The following NEDD1 variants were observed in gnomAD, a reference collection of about 807,000 sequenced individuals.
NEDD1 encodes NEDD1 gamma-tubulin ring complex targeting factor.
A neutral mutation model predicts 74.0 loss-of-function variants in NEDD1; 33 were observed. The ratio of observed to expected loss-of-function variants is 0.45; its 90% CI spans 0.34 to 0.60. The LOEUF is 0.60. Among genes scored for constraint, NEDD1 ranks in the 20% least tolerant of loss-of-function variants. The probability of loss-of-function intolerance (pLI) is 0.01; values close to 1 mark genes in which losing one functional copy is unlikely to be tolerated. For missense variants in NEDD1, 746 were observed against 776.5 expected (o/e 0.96, Z 0.47); for synonymous variants, 250 against 264.4 (o/e 0.95, Z 0.53).
intron 4 of NEDD1, among the ~76,000 whole-genome samples, chr12:96,917,157 T>TA (rs1021973186): frequency 9.2e-5 from 14 of 151,746 alleles, no homozygotes; most frequent in East Asian, 1.9e-4. Flanking sequence ...TTGACTTCTT[T>TA]AAAAAAAAAC....
At chr12:96,918,012 C>A (rs1349790098) in intron 5 of NEDD1, among the ~76,000 whole-genome samples, 1 of 152,120 alleles carries the variant, frequency 6.6e-6, no homozygotes, top group Non-Finnish European at 1.5e-5. Flanking sequence ...CCACTTCACT[C>A]ATTTTTTCCT....
In NEDD1 at chr12:96,907,694, C is replaced by G. The variant is rs1036940199; in HGVS notation, c.-171C>G. On this transcript the variant is annotated 5_prime_UTR_variant, in exon 2 of 16. Transcript: ENST00000266742. ...TGGTGATTGAAAGTTGGAGAACTTTCATTTCAGCTGAGTGGTGTAGTTGAA... is the reference window on the plus strand; with the variant it reads ...TGGTGATTGAAAGTTGGAGAACTTTGATTTCAGCTGAGTGGTGTAGTTGAA... 4.5e-6 allele frequency: 7 copies of G among 1,551,112 alleles called. No individual in the cohort carries two copies. The highest frequency in any genetic ancestry group is 1.7e-4 in the Middle Eastern group (1 of 6,014).
intron 4 of NEDD1, 107 bp downstream of exon 4, chr12:96,912,924 T>C (rs1874068943): frequency 3.4e-6 from 2 of 596,790 alleles, no homozygotes; most frequent in South Asian, 4.5e-5. Context: ...TTAAAAGCAT[T>C]ATTTTTAACT....
chr12:96,912,514 AGAAGGCTAGT>A (rs1182337091), intron 3 of NEDD1, 199 bp from the exon 4 acceptor site: 2 of 386,252 alleles, frequency 5.2e-6, no homozygotes, highest in African/African-American at 2.1e-5. Flanking sequence ...AGAGCCAGAA[AGAAGGCTAGT>A]TCTTCCCTGC....
intron 15 of NEDD1, 103 bp from the exon 16 acceptor site, chr12:96,951,838 CACCTAGTT>C: frequency 3.2e-6 from 2 of 629,138 alleles, no homozygotes; most frequent in Non-Finnish European, 5.6e-6. Context: ...AAATATCATT[CACCTAGTT>C]AATTGAACAT....
chr12:96,915,934 G>A (rs1874391985), intron 4 of NEDD1, among the ~76,000 whole-genome samples: 1 of 152,184 alleles, frequency 6.6e-6, no homozygotes, highest in Non-Finnish European at 1.5e-5. Context: ...AGTTACATTA[G>A]GTAGCCAATG....
intron 10 of NEDD1, among the ~76,000 whole-genome samples, chr12:96,941,638 T>G (rs1031088029): frequency 1.3e-5 from 2 of 152,206 alleles, no homozygotes; most frequent in Admixed American, 6.6e-5. Context: ...CCAGTGAGAC[T>G]CCTCTGGAGG....
At chr12:96,929,556 TAC>T (rs71078436) in intron 6 of NEDD1, among the ~76,000 whole-genome samples, 5,852 of 127,638 alleles carry the variant, frequency 0.046, 136 homozygotes, top group East Asian at 0.064. Context: ...TTTTCATGTA[TAC>T]ACACACACAC....
At chr12:96,925,981 A>G (rs781652293) in intron 6 of NEDD1, among the ~76,000 whole-genome samples, 1 of 152,164 alleles carries the variant, frequency 6.6e-6, no homozygotes, top group Non-Finnish European at 1.5e-5. Flanking sequence ...CTTAACTCTC[A>G]AGCCTCCTTT....
At chr12:96,927,117 A>G (rs1020718753) in intron 6 of NEDD1, among the ~76,000 whole-genome samples, 19 of 152,166 alleles carry the variant, frequency 1.2e-4, no homozygotes, top group African/African-American at 1.7e-4. Context: ...TCTGTGATCA[A>G]TTTTACTTAT....
chr12:96,912,977 G>T (rs904348926), intron 4 of NEDD1, among the ~76,000 whole-genome samples, 160 bp downstream of exon 4: 2 of 152,096 alleles, frequency 1.3e-5, no homozygotes, highest in African/African-American at 4.8e-5. Flanking sequence ...TGAGATATGT[G>T]TACTTACTAA....
chr12:96,935,209 A>G lies in NEDD1; in HGVS notation c.719+4A>G. ...TCTATGACACTTCAAGTAAGAAGTA[A>G]GTGTGACATGCTTATTTCTTAATTT... On this transcript the variant is annotated splice_donor_region_variant and intron_variant, in intron 7 of 15. Transcript: ENST00000266742. The G allele has an allele frequency of 7.0e-7, 1 of 1,436,684 alleles. No individual in the cohort carries two copies. Among genetic ancestry groups the G allele is most frequent in the Admixed American group, 1.7e-5 (1 of 59,754 alleles). 89.0% of individuals were successfully genotyped at this position (1,436,684 alleles called of 1,614,324 possible).
chr12:96,907,748 C>T lies in NEDD1; in HGVS notation c.-117C>T. ...GTTCCTGTAGCCGCTGTCCCTAAAC[C>T]CAGGCCGACGTTACCGCCTTGTGTC... is the stretch of plus-strand genomic sequence containing the variant. On this transcript the variant is annotated 5_prime_UTR_variant, in exon 2 of 16. Coordinates refer to ENST00000266742, the MANE Select transcript of NEDD1 (RefSeq NM_152905.4). The T allele has an allele frequency of 1.9e-6, 3 of 1,541,724 alleles. No homozygotes were observed. Among genetic ancestry groups the T allele is most frequent in the Non-Finnish European group, 2.6e-6 (3 of 1,141,842 alleles).
At chr12:96,911,381 T>G (rs918386416) in intron 3 of NEDD1, among the ~76,000 whole-genome samples, 1 of 152,256 alleles carries the variant, frequency 6.6e-6, no homozygotes, top group Non-Finnish European at 1.5e-5. Context: ...TTTTGGAAAT[T>G]GGTCTTACAG....
chr12:96,946,182 C>G (rs535524090), intron 14 of NEDD1, among the ~76,000 whole-genome samples: 1 of 152,136 alleles, frequency 6.6e-6, no homozygotes, highest in South Asian at 2.1e-4. Context: ...GTTCATAGAT[C>G]TATTAGGTAT....
intron 6 of NEDD1, among the ~76,000 whole-genome samples, chr12:96,933,892 A>G (rs1318201041): frequency 6.6e-6 from 1 of 152,194 alleles, no homozygotes; most frequent in Non-Finnish European, 1.5e-5. Context: ...AAATTCAGTT[A>G]GTTTTAGTCT....
At chr12:96,917,531 A>T in intron 4 of NEDD1, 90 bp from the exon 5 acceptor site, 1 of 1,345,574 alleles carries the variant, frequency 7.4e-7, no homozygotes, top group Non-Finnish European at 9.7e-7. Context: ...ACCAATATTT[A>T]TCATATGCTT....
Position 96,912,751 on chromosome 12 carries a change from T to C in NEDD1, c.165T>C (p.Ser55=). 6.2e-7 allele frequency: 1 copy of C among 1,606,268 alleles called. No individual in the cohort carries two copies. Among genetic ancestry groups the C allele is most frequent in the Middle Eastern group, 1.7e-4 (1 of 6,040 alleles). ...NNNFLVTASS[S]GDKIVVSSCK... Reference sequence around the variant, plus strand: ...ACTTTTTAGTAACAGCATCTTCCAGTGGCGACAAAATAGTTGTCTCAAGTT... The same window carrying C: ...ACTTTTTAGTAACAGCATCTTCCAGCGGCGACAAAATAGTTGTCTCAAGTT... Residue 55 remains serine, a synonymous_variant, in exon 4 of 16, where the codon AGT becomes AGC. Transcript: ENST00000266742.
chr12:96,924,755 T>C lies in NEDD1; in HGVS notation c.489+4630T>C, dbSNP rs1875508468. 9 of 421,212 alleles carry C rather than the reference T, an allele frequency of 2.1e-5. No individual in the cohort carries two copies. In the Admixed American group the frequency reaches 2.5e-4, roughly 12 times the overall value. 26.1% of individuals were successfully genotyped at this position (421,212 alleles called of 1,614,324 possible). On this transcript the variant is annotated intron_variant, in intron 6 of 15. Transcript: ENST00000266742. ...AGTTTATAGACTATCATGGCTGTCA[T>C]CTGTGAATGATAAGTTTTTATTTCT...
Sources: allele counts gnomAD v4.1 joint callset (sites outside exome capture counted in the v4.1 genomes callset), GRCh38; gene constraint gnomAD v4.1.1; transcripts MANE v1.5; gene names NCBI Gene and HGNC (gene_info 2026-07-23, HGNC 2026-07-21).